The following CUBN variants were observed in gnomAD, a reference collection of about 807,000 sequenced individuals.
CUBN encodes 460 kDa receptor.
CUBN carries 282 observed loss-of-function variants against 405.3 expected under a neutral mutation model. The ratio of observed to expected loss-of-function variants is 0.70; its 90% CI spans 0.63 to 0.77. The LOEUF is 0.77. CUBN is among the 30% of genes least tolerant of loss of function. The pLI is 0.00. For synonymous variants in CUBN, 1,684 were observed against 1,617.0 expected, an observed-to-expected ratio of 1.04 and a Z score of -0.99; for missense variants, 4,514 against 4,475.2, an observed-to-expected ratio of 1.01 and a Z score of -0.25.
intron 14 of CUBN, among the ~76,000 whole-genome samples, chr10:17,095,264 A>T (rs1836346788): frequency 6.6e-6 from 1 of 152,042 alleles, no homozygotes; most frequent in East Asian, 1.9e-4. Flanking sequence ...AAAATTAAAG[A>T]CTTAAACATA....
chr10:16,833,959 ACT>A (rs921280208), intron 64 of CUBN, among the ~76,000 whole-genome samples: 1 of 152,068 alleles, frequency 6.6e-6, no homozygotes, highest in Non-Finnish European at 1.5e-5. Flanking sequence ...TTTACTGAAG[ACT>A]CTTGTGTGGT....
At chr10:17,000,637 T>G (rs1162183405) in intron 28 of CUBN, among the ~76,000 whole-genome samples, 1 of 152,220 alleles carries the variant, frequency 6.6e-6, no homozygotes, top group Non-Finnish European at 1.5e-5. Context: ...TGACCTTTTT[T>G]TGCAATGAAA....
intron 17 of CUBN, among the ~76,000 whole-genome samples, chr10:17,078,871 T>C (rs946527581): frequency 6.6e-6 from 1 of 152,208 alleles, no homozygotes; most frequent in African/African-American, 2.4e-5. Context: ...ATGTTCTTGA[T>C]AATGGTCCAT....
chr10:17,035,094 A>C (rs1227234582), intron 27 of CUBN, among the ~76,000 whole-genome samples: 13 of 151,938 alleles, frequency 8.6e-5, no homozygotes, highest in Admixed American at 8.5e-4. Context: ...AAAAAAAATA[A>C]ACAAATGAAA....
At chr10:16,984,548 C>A (rs1442253308) in intron 29 of CUBN, among the ~76,000 whole-genome samples, 1 of 152,118 alleles carries the variant, frequency 6.6e-6, no homozygotes, top group Admixed American at 6.5e-5. Context: ...TAGATTATTC[C>A]AGAATCTTCC....
At position 16,835,089 on chromosome 10, in the gene CUBN, C is replaced by T. The variant is rs566428134; in HGVS notation, c.10287G>A (p.Gln3429=). 2.1e-4 allele frequency: 341 copies of T among 1,614,140 alleles called. 1 individual carries two copies. The South Asian group carries it at 3.5e-3, about 17-fold the overall frequency. ...KDCTVTLTAP[Q]NHTISLFFHS... ...GAAAAAAGAGGGAAATGGTGTGGTT[C>T]TGGGGGGCTGTGAGAGTAACGGTGC... Residue 3429 remains glutamine (Q), a synonymous_variant, in exon 64 of 67, where the codon CAG becomes CAA. Transcript: ENST00000377833.
chr10:17,019,702 C>A (rs2131782144), intron 28 of CUBN, 131 bp downstream of exon 28: 1 of 1,069,748 alleles, frequency 9.3e-7, no homozygotes, highest in Non-Finnish European at 1.4e-6. Context: ...ATTTCTTAAA[C>A]CCTTGCATGA....
In CUBN at chr10:16,990,314, A is replaced by G; in HGVS notation, c.4350+20T>C. On this transcript the variant is annotated intron_variant, in intron 29 of 66. Coordinates refer to ENST00000377833, the MANE Select transcript of CUBN (RefSeq NM_001081.4). ...ACCCCAAACTTTGGAATGTGCTGAA[A>G]AAACCATCTCACTTCCTACCTCCAA... 6.2e-7 allele frequency: 1 copy of G among 1,613,808 alleles called. No homozygotes were observed. Among genetic ancestry groups the G allele is most frequent in the East Asian group, 2.2e-5 (1 of 44,882 alleles).
intron 10 of CUBN, among the ~76,000 whole-genome samples, chr10:17,106,740 C>T (rs1431734239): frequency 6.6e-6 from 1 of 152,150 alleles, no homozygotes; most frequent in East Asian, 1.9e-4. Flanking sequence ...AAGCACTCCC[C>T]TCGTGTGTAG....
chr10:17,099,764 A>G (rs1480574566), intron 14 of CUBN, among the ~76,000 whole-genome samples: 1 of 152,120 alleles, frequency 6.6e-6, no homozygotes, highest in African/African-American at 2.4e-5. Context: ...AGGTGTGAGG[A>G]TCACTTGAGC....
Position 16,896,516 on chromosome 10 carries a change from G to T in CUBN, c.8598+2480C>A, listed in dbSNP as rs181876305. Among the ~76,000 whole-genome samples the T allele has an allele frequency of 2.0e-4, 31 of 152,320 alleles. No individual in the cohort carries two copies. In the East Asian group the frequency reaches 6.0e-3, roughly 29 times the overall value. On this transcript the variant is annotated intron_variant, in intron 54 of 66. Coordinates refer to ENST00000377833, the MANE Select transcript of CUBN (RefSeq NM_001081.4). ...CATTAGGGCCTCCATGGTTTCAGAT[G>T]AGAAATCTGCTTTTATTCTAACTGG... is the stretch of plus-strand genomic sequence containing the variant.
At chr10:17,037,982 A>T (rs942534775) in intron 27 of CUBN, among the ~76,000 whole-genome samples, 2 of 146,910 alleles carry the variant, frequency 1.4e-5, no homozygotes, top group Admixed American at 1.4e-4. Context: ...TTCGTCACCC[A>T]GGCTGGAATG....
At chr10:16,915,289 G>T in intron 46 of CUBN, 117 bp from the exon 47 acceptor site, 1 of 1,201,608 alleles carries the variant, frequency 8.3e-7, no homozygotes, top group Non-Finnish European at 1.2e-6. Context: ...TGCCTATGAA[G>T]AAACGTTAAT....
intron 10 of CUBN, among the ~76,000 whole-genome samples, chr10:17,107,573 C>A (rs1836665851): frequency 6.8e-6 from 1 of 146,314 alleles, no homozygotes; most frequent in Non-Finnish European, 1.5e-5. Context: ...TCTCAGCTCA[C>A]TGTAAGCTCC....
chr10:17,115,804 G>A (rs1836882602), intron 6 of CUBN, among the ~76,000 whole-genome samples: 1 of 152,164 alleles, frequency 6.6e-6, no homozygotes, highest in African/African-American at 2.4e-5. Context: ...ATACAATGTT[G>A]GTGAATCACA....
At chr10:16,897,530 T>G (rs1306078107) in intron 54 of CUBN, among the ~76,000 whole-genome samples, 1 of 152,148 alleles carries the variant, frequency 6.6e-6, no homozygotes, top group Non-Finnish European at 1.5e-5. Context: ...CCTCAATGTC[T>G]CTGGGTGGAA....
chr10:16,860,818 T>C (rs1461687931), intron 59 of CUBN, among the ~76,000 whole-genome samples: 2 of 152,250 alleles, frequency 1.3e-5, no homozygotes, highest in Non-Finnish European at 2.9e-5. Context: ...ACTGCTCTTA[T>C]CATCCCATGC....
chr10:16,934,573 G>C (rs1245633872), intron 39 of CUBN, among the ~76,000 whole-genome samples: 2 of 152,110 alleles, frequency 1.3e-5, no homozygotes, highest in Admixed American at 6.5e-5. Flanking sequence ...TCTTGAATTT[G>C]TAAAATATGG....
chr10:17,107,493 T>TC (rs1836661656), intron 10 of CUBN, among the ~76,000 whole-genome samples: 1 of 113,270 alleles, frequency 8.8e-6, no homozygotes, highest in Non-Finnish European at 1.7e-5. Flanking sequence ...TATAAGTTGT[T>TC]CTTTTTTTTT....
Sources: allele counts gnomAD v4.1 joint callset (sites outside exome capture counted in the v4.1 genomes callset), GRCh38; gene constraint gnomAD v4.1.1; transcripts MANE v1.5; gene names NCBI Gene and HGNC (gene_info 2026-07-23, HGNC 2026-07-21).